The following TBC1D15 variants were observed in gnomAD, a reference collection of about 807,000 sequenced individuals.
TBC1D15 encodes GAP for RAB7.
Under a neutral mutation model 95.4 loss-of-function variants are expected in TBC1D15, and 39 were observed. The ratio of observed to expected loss-of-function variants is 0.41; its 90% CI spans 0.32 to 0.53. The LOEUF is 0.53. TBC1D15 is among the 20% of genes least tolerant of loss of function. The pLI is 0.29. For synonymous variants in TBC1D15, 258 were observed against 261.3 expected (o/e 0.99, Z 0.12); for missense variants, 733 against 794.3 (o/e 0.92, Z 0.93).
intron 10 of TBC1D15, among the ~76,000 whole-genome samples, chr12:71,900,316 T>C (rs1164827474): frequency 6.6e-6 from 1 of 152,098 alleles, no homozygotes. Flanking sequence ...AAGAGACAGT[T>C]AAGAAGGCTC....
intron 10 of TBC1D15, among the ~76,000 whole-genome samples, chr12:71,903,255 C>T (rs2138835950): frequency 6.6e-6 from 1 of 152,194 alleles, no homozygotes; most frequent in South Asian, 2.1e-4. Flanking sequence ...TGCCAACCAA[C>T]ATATGAAAAA....
chr12:71,866,315 T>C (rs1285597264), intron 1 of TBC1D15, among the ~76,000 whole-genome samples: 2 of 152,218 alleles, frequency 1.3e-5, no homozygotes, highest in African/African-American at 4.8e-5. Flanking sequence ...TTCTCCTCTC[T>C]TGGGGGAGCA....
At chr12:71,881,821 G>A (rs1375627857) in intron 4 of TBC1D15, among the ~76,000 whole-genome samples, 1 of 151,488 alleles carries the variant, frequency 6.6e-6, no homozygotes, top group Non-Finnish European at 1.5e-5. Context: ...GGGAAGCCGA[G>A]GCAGGGGAAT....
intron 11 of TBC1D15, among the ~76,000 whole-genome samples, chr12:71,910,232 G>A: frequency 6.6e-6 from 1 of 151,654 alleles, no homozygotes; most frequent in Non-Finnish European, 1.5e-5. Context: ...TCTCTGTTTT[G>A]GTACCAGTAC....
rs559682237 is a variant in TBC1D15, at chr12:71,910,503, G to C, written c.1301-3323G>C. On this transcript the variant is annotated intron_variant, in intron 11 of 16. Transcript: ENST00000485960. ...TTCTTCCTACCCATGAGCATGGAAT[G>C]TTCTTCCATTTGTTTATATCCTCTT... Among the ~76,000 whole-genome samples the C allele has an allele frequency of 6.6e-5, 10 of 152,020 alleles. No homozygotes were observed. The South Asian group carries it at 1.9e-3, about 28-fold the overall frequency.
intron 11 of TBC1D15, 32 bp from the exon 12 acceptor site, chr12:71,913,794 T>C: frequency 6.6e-7 from 1 of 1,510,654 alleles, no homozygotes; most frequent in Non-Finnish European, 8.9e-7. Context: ...AAAACTTGGG[T>C]TTTCAGAGAT....
intron 1 of TBC1D15, among the ~76,000 whole-genome samples, chr12:71,848,428 T>G (rs555635847): frequency 5.3e-5 from 8 of 152,350 alleles, no homozygotes; most frequent in African/African-American, 1.9e-4. Context: ...TTTACATTTC[T>G]GTAATGACTA....
chr12:71,906,810 C>T (rs1900833049), intron 10 of TBC1D15, among the ~76,000 whole-genome samples: 1 of 152,058 alleles, frequency 6.6e-6, no homozygotes, highest in Non-Finnish European at 1.5e-5. Flanking sequence ...ATTTTAAAAT[C>T]TGCCCATGAG....
At chr12:71,888,835 T>C (rs552995287) in intron 5 of TBC1D15, among the ~76,000 whole-genome samples, 1 of 148,212 alleles carries the variant, frequency 6.7e-6, no homozygotes, top group Non-Finnish European at 1.5e-5. Context: ...ATGTTCCTTA[T>C]ACATGTTTCT....
chr12:71,902,357 A>G (rs1037313491), intron 10 of TBC1D15, among the ~76,000 whole-genome samples: 5 of 152,230 alleles, frequency 3.3e-5, no homozygotes, highest in Admixed American at 2.0e-4. Flanking sequence ...CTAAAACAGC[A>G]TAGTCCTGGG....
At chr12:71,864,832 G>A (rs1381830667) in intron 1 of TBC1D15, among the ~76,000 whole-genome samples, 1 of 152,166 alleles carries the variant, frequency 6.6e-6, no homozygotes, top group Admixed American at 6.5e-5. Flanking sequence ...TAATTTGTTG[G>A]TTGAGAAGGG....
In TBC1D15 at chr12:71,856,065, C is replaced by A. The variant is rs565136067; in HGVS notation, c.31-16005C>A. 2.0e-5 allele frequency among the ~76,000 whole-genome samples: 3 copies of A among 152,242 alleles called. No homozygotes were observed. In the South Asian group the frequency reaches 6.2e-4, roughly 32 times the overall value. ...TCACCCTGCCCCCATACTGCCAAAC[C>A]ACCCAACTTGATTTTGACACTATGT... is the stretch of plus-strand genomic sequence containing the variant. On this transcript the variant is annotated intron_variant, in intron 1 of 16. Coordinates refer to ENST00000485960, the MANE Select transcript of TBC1D15 (RefSeq NM_001146213.3).
chr12:71,852,359 A>G (rs1225811875), intron 1 of TBC1D15, among the ~76,000 whole-genome samples: 3 of 152,194 alleles, frequency 2.0e-5, no homozygotes, highest in African/African-American at 4.8e-5. Flanking sequence ...GGCTGCTGCA[A>G]AGGTCTCTGA....
rs79729468 is a variant in TBC1D15, at chr12:71,913,461, T to C, written c.1301-365T>C. The C allele has an allele frequency of 8.8e-4, 148 of 168,888 alleles. 1 individual carries two copies. In the East Asian group the frequency reaches 0.02, roughly 23 times the overall value. 10.5% of individuals were successfully genotyped at this position (168,888 alleles called of 1,614,324 possible). A position where few individuals can be genotyped will look rare whatever the true frequency, so the allele number is the denominator to read the frequency against. ...GACTGGTCTTTCTTAAACCTGTCTT[T>C]GAGTGTATACTCTTACATTTGATGT... On this transcript the variant is annotated intron_variant, in intron 11 of 16. Coordinates refer to ENST00000485960, the MANE Select transcript of TBC1D15 (RefSeq NM_001146213.3).
chr12:71,902,167 CTATT>C (rs1346219975), intron 10 of TBC1D15, among the ~76,000 whole-genome samples: 1 of 152,134 alleles, frequency 6.6e-6, no homozygotes, highest in Non-Finnish European at 1.5e-5. Context: ...CTGCCCAAAG[CTATT>C]TATAGATTCA....
At chr12:71,854,535 C>G (rs1170518888) in intron 1 of TBC1D15, 1 of 456,024 alleles carries the variant, frequency 2.2e-6, no homozygotes, top group Admixed American at 2.4e-5. Context: ...TGCATTAATT[C>G]TCTTTTCTGT....
chr12:71,910,322 T>G lies in TBC1D15; in HGVS notation c.1300+3184T>G, dbSNP rs897300640. ...ATGCCTCCAGCTTTGTTCTTTTGGC[T>G]TAGGATTGACTTGGCAATGCAGGCT... On this transcript the variant is annotated intron_variant, in intron 11 of 16. Transcript: ENST00000485960. Among the ~76,000 whole-genome samples the G allele has an allele frequency of 2.4e-4, 36 of 149,802 alleles. 1 individual carries two copies. The highest frequency in any genetic ancestry group is 2.1e-3 in the Admixed American group (31 of 15,110).
intron 1 of TBC1D15, chr12:71,849,947 G>C: frequency 1.9e-6 from 1 of 540,042 alleles, no homozygotes; most frequent in Non-Finnish European, 3.6e-6. Context: ...TCCCCTGAAG[G>C]GTGTTGATCC....
chr12:71,902,517 G>C (rs1899634026), intron 10 of TBC1D15, among the ~76,000 whole-genome samples: 1 of 152,154 alleles, frequency 6.6e-6, no homozygotes, highest in South Asian at 2.1e-4. Context: ...GGGATAACTG[G>C]CTAGCTATAT....
Sources: allele counts gnomAD v4.1 joint callset (sites outside exome capture counted in the v4.1 genomes callset), GRCh38; gene constraint gnomAD v4.1.1; transcripts MANE v1.5; gene names NCBI Gene and HGNC (gene_info 2026-07-23, HGNC 2026-07-21).